FGGY: variants seen among roughly 807,000 people sequenced by gnomAD.
FGGY encodes the protein FGGY carbohydrate kinase domain-containing protein.
Under a neutral mutation model 71.3 loss-of-function variants are expected in FGGY, and 72 were observed. That is an observed-to-expected ratio of 1.01 (90% CI 0.84 to 1.23). The LOEUF is 1.23. FGGY is among the 50% of genes most tolerant of loss of function. The pLI is 0.00. For missense variants in FGGY, 668 were observed against 682.3 expected (o/e 0.98, Z 0.23); for synonymous variants, 251 against 250.3 (o/e 1.00, Z -0.02).
chr1:59,559,818 A>G lies in FGGY; in HGVS notation c.903+5591A>G, dbSNP rs571754133. ...GCAGTAAAATGAAGTATTATGAATT[A>G]TAACTCAAAGTATAACATAAATATC... On this transcript the variant is annotated intron_variant, in intron 8 of 15. Transcript: ENST00000303721. Among the ~76,000 whole-genome samples the G allele has an allele frequency of 4.6e-5, 7 of 152,368 alleles. No individual in the cohort carries two copies. The East Asian group carries it at 7.7e-4, about 17-fold the overall frequency.
At chr1:59,455,488 T>C (rs1482352636) in intron 5 of FGGY, among the ~76,000 whole-genome samples, 3 of 152,122 alleles carry the variant, frequency 2.0e-5, no homozygotes. Context: ...GGAGTGACTG[T>C]GGAGATGGAC....
intron 15 of FGGY, among the ~76,000 whole-genome samples, chr1:59,759,805 A>G (rs1390802922): frequency 2.0e-5 from 3 of 152,220 alleles, no homozygotes; most frequent in African/African-American, 7.2e-5. Context: ...CATTTTGAAG[A>G]GAGGGGATTC....
At chr1:59,396,207 T>C (rs992910081) in intron 5 of FGGY, among the ~76,000 whole-genome samples, 5 of 152,178 alleles carry the variant, frequency 3.3e-5, no homozygotes, top group Non-Finnish European at 5.9e-5. Flanking sequence ...CCATTTTCTC[T>C]GGAATTTTAC....
At chr1:59,690,802 T>C (rs1194301345) in intron 14 of FGGY, among the ~76,000 whole-genome samples, 1 of 152,212 alleles carries the variant, frequency 6.6e-6, no homozygotes, top group East Asian at 1.9e-4. Flanking sequence ...GGGATGGACT[T>C]AGATTTAAAG....
intron 2 of FGGY, among the ~76,000 whole-genome samples, chr1:59,335,045 A>G (rs949278228): frequency 6.6e-6 from 1 of 152,208 alleles, no homozygotes; most frequent in African/African-American, 2.4e-5. Flanking sequence ...TTTATCTTTC[A>G]TAGCTCAACT....
chr1:59,554,323 T>C (rs2095652195), intron 8 of FGGY, 96 bp downstream of exon 8: 1 of 882,028 alleles, frequency 1.1e-6, no homozygotes, highest in Non-Finnish European at 1.7e-6. Context: ...TTCACTTCTT[T>C]CCTCTTTTCC....
chr1:59,584,508 T>C (rs1445413006), intron 8 of FGGY, among the ~76,000 whole-genome samples: 1 of 150,032 alleles, frequency 6.7e-6, no homozygotes, highest in Non-Finnish European at 1.5e-5. Flanking sequence ...TAGGTATTGA[T>C]GGGACGTATC....
In FGGY at chr1:59,697,617, C is replaced by A. The variant is rs565523567; in HGVS notation, c.1512+23484C>A. Reference sequence around the variant, plus strand: ...ACCATCGTCGCTGTGAAGACTTTGGCGTGCTTAACATTTTTGTGACTTCTT... The same window carrying A: ...ACCATCGTCGCTGTGAAGACTTTGGAGTGCTTAACATTTTTGTGACTTCTT... On this transcript the variant is annotated intron_variant, in intron 14 of 15. Coordinates refer to ENST00000303721, the MANE Select transcript of FGGY (RefSeq NM_018291.5). 4.2e-5 allele frequency: 52 copies of A among 1,234,982 alleles called. No individual in the cohort carries two copies. The Middle Eastern group carries it at 1.3e-3, about 31-fold the overall frequency. 76.5% of individuals were successfully genotyped at this position (1,234,982 alleles called of 1,614,324 possible).
At chr1:59,722,921 C>T (rs373989602) in intron 14 of FGGY, among the ~76,000 whole-genome samples, 16 of 152,248 alleles carry the variant, frequency 1.1e-4, no homozygotes, top group Admixed American at 4.6e-4. Context: ...CTCAGCCTCC[C>T]GAGTAGCTGG....
rs755084995 is a variant in FGGY at position 59,587,516 on chromosome 1, C to A, written c.904-20287C>A. Among the ~76,000 whole-genome samples the A allele has an allele frequency of 1.1e-3, 166 of 152,252 alleles. 2 individuals are homozygous for A. The South Asian group carries it at 0.014, about 12-fold the overall frequency. Reference sequence around the variant, plus strand: ...CCTCAAGTGGGTCCCTGACCCCTGACCCCCAAGCAGCCTAACTGGGAGGCA... The same window carrying A: ...CCTCAAGTGGGTCCCTGACCCCTGAACCCCAAGCAGCCTAACTGGGAGGCA... On this transcript the variant is annotated intron_variant, in intron 8 of 15. Transcript: ENST00000303721.
At chr1:59,736,052 A>G (rs2098100320) in intron 14 of FGGY, among the ~76,000 whole-genome samples, 1 of 152,174 alleles carries the variant, frequency 6.6e-6, no homozygotes, top group African/African-American at 2.4e-5. Context: ...ATGATAGCTG[A>G]TAACTCTCAC....
chr1:59,457,582 C>T (rs1233997786), intron 6 of FGGY, among the ~76,000 whole-genome samples: 1 of 151,942 alleles, frequency 6.6e-6, no homozygotes. Flanking sequence ...CCACTGCATG[C>T]AGCTTGGGCA....
At chr1:59,743,407 T>G (rs181844215) in intron 14 of FGGY, among the ~76,000 whole-genome samples, 24 of 152,356 alleles carry the variant, frequency 1.6e-4, no homozygotes, top group African/African-American at 5.3e-4. Flanking sequence ...TCTATCCATA[T>G]TGTGTAGCAC....
intron 11 of FGGY, among the ~76,000 whole-genome samples, chr1:59,643,514 A>G (rs2097058623): frequency 2.0e-5 from 3 of 152,194 alleles, no homozygotes. Flanking sequence ...GTTTCAAGGC[A>G]TATCTCTATG....
At chr1:59,734,410 G>A (rs771791476) in intron 14 of FGGY, among the ~76,000 whole-genome samples, 8 of 152,036 alleles carry the variant, frequency 5.3e-5, no homozygotes, top group Non-Finnish European at 1.2e-4. Context: ...TTGCCACATT[G>A]GCCAGACTGA....
intron 6 of FGGY, among the ~76,000 whole-genome samples, chr1:59,482,634 G>GTGTATATA (rs144699610): frequency 0.04 from 5,847 of 147,446 alleles, 139 homozygotes; most frequent in Non-Finnish European, 0.049. Flanking sequence ...GTGTCTGTGT[G>GTGTATATA]TATATATATA....
Position 59,554,191 on chromosome 1 carries a change from G to A in FGGY, c.867G>A (p.Leu289=). 6.2e-7 allele frequency: 1 copy of A among 1,613,598 alleles called. No homozygotes were observed. Among genetic ancestry groups the A allele is most frequent in the Non-Finnish European group, 8.5e-7 (1 of 1,179,598 alleles). ...ICEGQPVTSR[L]AVICGTSSCH... Reference sequence around the variant, plus strand: ...AGGGGCAGCCAGTGACGTCACGGCTGGCTGTCATCTGTGGAACGTCTTCTT... The same window carrying A: ...AGGGGCAGCCAGTGACGTCACGGCTAGCTGTCATCTGTGGAACGTCTTCTT... The change falls in exon 8 of 16, where the codon CTG becomes CTA. Residue 289 remains leucine (L), a synonymous_variant. Transcript: ENST00000303721.
intron 11 of FGGY, among the ~76,000 whole-genome samples, chr1:59,642,441 A>G (rs910409655): frequency 6.6e-6 from 1 of 151,924 alleles, no homozygotes; most frequent in South Asian, 2.1e-4. Context: ...CCTGACCAAC[A>G]TGGTGAAACC....
intron 5 of FGGY, among the ~76,000 whole-genome samples, chr1:59,417,774 T>C (rs1272892127): frequency 6.6e-6 from 1 of 152,230 alleles, no homozygotes; most frequent in Non-Finnish European, 1.5e-5. Context: ...TCAGATCATA[T>C]GCCCATTATA....
Sources: allele counts gnomAD v4.1 joint callset (sites outside exome capture counted in the v4.1 genomes callset), GRCh38; gene constraint gnomAD v4.1.1; transcripts MANE v1.5; gene names NCBI Gene and HGNC (gene_info 2026-07-23, HGNC 2026-07-21).